The following DOK6 variants were observed in gnomAD, a reference collection of about 807,000 sequenced individuals.
The protein encoded by DOK6 is downstream of tyrosine kinase 6.
Under a neutral mutation model 44.0 loss-of-function variants are expected in DOK6, and 22 were observed. The ratio of observed to expected loss-of-function variants is 0.50; its 90% CI spans 0.36 to 0.71. The LOEUF (loss-of-function observed/expected upper bound fraction) is 0.71, where lower values mean the gene tolerates loss of function less well. DOK6 is among the 30% of genes least tolerant of loss of function. The pLI, the probability that DOK6 is intolerant of heterozygous loss-of-function variation, is 0.00. For missense variants in DOK6, 340 were observed against 416.4 expected (o/e 0.82, Z 1.60); for synonymous variants, 166 against 145.5 (o/e 1.14, Z -1.01).
chr18:69,707,693 A>T (rs1986664935), intron 5 of DOK6, among the ~76,000 whole-genome samples: 1 of 152,160 alleles, frequency 6.6e-6, no homozygotes, highest in Non-Finnish European at 1.5e-5. Context: ...CACATCAAAA[A>T]ATAGATGCTT....
intron 6 of DOK6, among the ~76,000 whole-genome samples, chr18:69,756,897 G>A (rs181980601): frequency 1.3e-5 from 2 of 152,316 alleles, no homozygotes; most frequent in East Asian, 3.9e-4. Context: ...ATTGCTCATT[G>A]TCTGTCAAAA....
chr18:69,759,332 T>C (rs953371220), intron 7 of DOK6, among the ~76,000 whole-genome samples: 6 of 152,202 alleles, frequency 3.9e-5, no homozygotes, highest in African/African-American at 1.4e-4. Context: ...TTTGAAAGTA[T>C]GCTTGTAATA....
At chr18:69,753,700 A>G (rs1354324165) in intron 6 of DOK6, among the ~76,000 whole-genome samples, 1 of 152,274 alleles carries the variant, frequency 6.6e-6, no homozygotes, top group Non-Finnish European at 1.5e-5. Flanking sequence ...TATGTATGCC[A>G]GAGCATCGTT....
chr18:69,568,041 G>A (rs973736576), intron 2 of DOK6, among the ~76,000 whole-genome samples: 1 of 152,184 alleles, frequency 6.6e-6, no homozygotes, highest in Non-Finnish European at 1.5e-5. Flanking sequence ...CCCGCGGCCT[G>A]CCTTCAGGCA....
chr18:69,410,938 A>G (rs2122389897), intron 1 of DOK6, among the ~76,000 whole-genome samples: 1 of 152,148 alleles, frequency 6.6e-6, no homozygotes, highest in South Asian at 2.1e-4. Context: ...GACAGTTGCT[A>G]CCCTGCAACA....
Position 69,444,520 on chromosome 18 carries a change from A to C in DOK6, c.66+43210A>C, listed in dbSNP as rs148725443. ...TGAGGTTTACTTGGATGAAAACTTC[A>C]GTGGGAAGAATTTGCCATCTTTATT... On this transcript the variant is annotated intron_variant, in intron 1 of 7. Transcript: ENST00000382713. Among the ~76,000 whole-genome samples, 19 of 152,308 alleles carry C rather than the reference A, an allele frequency of 1.2e-4. No homozygotes were observed. The East Asian group carries it at 3.5e-3, about 28-fold the overall frequency.
chr18:69,682,296 C>G (rs1986061848), intron 4 of DOK6, among the ~76,000 whole-genome samples: 1 of 152,146 alleles, frequency 6.6e-6, no homozygotes, highest in Non-Finnish European at 1.5e-5. Context: ...AAACAAAGTG[C>G]ATCAATTCAT....
At chr18:69,811,545 T>C (rs1407467700) in intron 7 of DOK6, among the ~76,000 whole-genome samples, 8 of 23,884 alleles carry the variant, frequency 3.3e-4, no homozygotes, top group African/African-American at 6.3e-4. Context: ...TATATATATA[T>C]ATATATATAT....
rs573510936 is a variant in DOK6 at position 69,638,232 on chromosome 18, C to T, written c.289+38734C>T. Among the ~76,000 whole-genome samples the T allele has an allele frequency of 9.8e-5, 15 of 152,314 alleles. 1 individual carries two copies. The South Asian group carries it at 3.1e-3, about 32-fold the overall frequency. ...TGTAACAAATGGGTATGACTGTGTT[C>T]TAATAAAACTTTATTTACAGAAACA... is the stretch of plus-strand genomic sequence containing the variant. On this transcript the variant is annotated intron_variant, in intron 3 of 7. Coordinates refer to ENST00000382713, the MANE Select transcript of DOK6 (RefSeq NM_152721.6).
At chr18:69,664,158 G>A (rs931243319) in intron 3 of DOK6, among the ~76,000 whole-genome samples, 2 of 152,114 alleles carry the variant, frequency 1.3e-5, no homozygotes, top group African/African-American at 4.8e-5. Flanking sequence ...TGAAATTCTT[G>A]TAGTTTTAAA....
intron 7 of DOK6, among the ~76,000 whole-genome samples, chr18:69,838,225 T>C (rs989661118): frequency 4.7e-4 from 67 of 143,900 alleles, no homozygotes; most frequent in African/African-American, 1.7e-3. Context: ...CTTTCAGATA[T>C]GTCTAAAACT....
At chr18:69,735,125 T>G (rs549437903) in intron 5 of DOK6, among the ~76,000 whole-genome samples, 1 of 152,296 alleles carries the variant, frequency 6.6e-6, no homozygotes, top group Admixed American at 6.5e-5. Context: ...TTTTTATTTG[T>G]TAGAACATAA....
intron 3 of DOK6, among the ~76,000 whole-genome samples, chr18:69,642,681 T>A (rs1984973052): frequency 6.6e-6 from 1 of 152,184 alleles, no homozygotes; most frequent in Non-Finnish European, 1.5e-5. Flanking sequence ...GAATTTGTTG[T>A]AATTTTTCCT....
Position 69,435,021 on chromosome 18 carries a change from GGGAGGGAAGGAAGGAA to G in DOK6, c.66+33715_66+33730del, listed in dbSNP as rs1314257333. On this transcript the variant is annotated intron_variant, in intron 1 of 7. Transcript: ENST00000382713. Reference sequence around the variant, plus strand: ...GAAGGAAGAAAGATTAGTGTAGGGAGGGAGGGAAGGAAGGAAGGAAGGAAGGAAGGAAGGAAGGAAG... The same window carrying G: ...GAAGGAAGAAAGATTAGTGTAGGGAGGGAAGGAAGGAAGGAAGGAAGGAAG... Among the ~76,000 whole-genome samples the G allele has an allele frequency of 1.7e-3, 129 of 74,750 alleles. 2 individuals are homozygous for G. The highest frequency in any genetic ancestry group is 0.01 in the Middle Eastern group (1 of 96). 49.0% of individuals were successfully genotyped at this position (74,750 alleles called of 152,430 possible). A position where few individuals can be genotyped will look rare whatever the true frequency, so the allele number is the denominator to read the frequency against.
intron 2 of DOK6, among the ~76,000 whole-genome samples, chr18:69,565,501 GTGTGTGTGTGTGTGTGTGTGTA>G (rs67889249): frequency 0.41 from 19,596 of 47,632 alleles, 1,580 homozygotes; most frequent in Non-Finnish European, 0.54. Flanking sequence ...GTGTGTGTGT[GTGTGTGTGTGTGTGTGTGTGTA>G]TATATATATA....
intron 7 of DOK6, among the ~76,000 whole-genome samples, chr18:69,799,011 T>C (rs544562649): frequency 6.6e-6 from 1 of 152,154 alleles, no homozygotes; most frequent in Non-Finnish European, 1.5e-5. Context: ...AAAATCGTTT[T>C]AGCAAGTCAC....
intron 3 of DOK6, among the ~76,000 whole-genome samples, chr18:69,647,058 CCTAT>C (rs5825963): frequency 7.9e-6 from 1 of 126,362 alleles, no homozygotes; most frequent in African/African-American, 3.0e-5. Context: ...ATCTGTCTAT[CCTAT>C]CTGTCTATCC....
chr18:69,444,154 AG>A (rs1979214595), intron 1 of DOK6, among the ~76,000 whole-genome samples: 1 of 152,186 alleles, frequency 6.6e-6, no homozygotes, highest in African/African-American at 2.4e-5. Context: ...AATGACTTCG[AG>A]GAAATGGCTG....
Position 69,841,738 on chromosome 18 carries a change from C to T in DOK6, c.*355C>T. On this transcript the variant is annotated 3_prime_UTR_variant, in exon 8 of 8. Coordinates refer to ENST00000382713, the MANE Select transcript of DOK6 (RefSeq NM_152721.6). ...CTGGGTGATGGGCACCTCTCACTGA[C>T]CTCACAGCGCAGTCCGCCCATCTGA... 1 of 225,856 alleles carries T rather than the reference C, an allele frequency of 4.4e-6. No homozygotes were observed. Among genetic ancestry groups the T allele is most frequent in the African/African-American group, 2.2e-5 (1 of 45,274 alleles). The allele number at this position is 225,856 out of a possible 1,614,324, so 14.0% of individuals were successfully genotyped here.
Sources: gnomAD v4.1 joint callset for allele counts (sites outside exome capture counted in the v4.1 genomes callset) on GRCh38, gnomAD v4.1.1 for gene constraint, MANE v1.5 for transcripts, NCBI Gene and HGNC (gene_info 2026-07-23, HGNC 2026-07-21) for gene names.